RYR3: variants seen among roughly 807,000 people sequenced by gnomAD.
The protein encoded by RYR3 is ryanodine receptor 3, also known as brain ryanodine receptor-calcium release channel.
RYR3 carries 207 observed loss-of-function variants against 584.3 expected under a neutral mutation model. The observed-to-expected ratio is 0.35, with a 90% CI of 0.32 to 0.40. The LOEUF (loss-of-function observed/expected upper bound fraction) is 0.40. RYR3 is among the 10% of genes least tolerant of loss of function. RYR3 has a pLI of 1.00. For synonymous variants in RYR3, 2,416 were observed against 2,248.5 expected, an observed-to-expected ratio of 1.07 and a Z score of -2.11; for missense variants, 5,616 against 6,089.2, an observed-to-expected ratio of 0.92 and a Z score of 2.59.
At chr15:33,644,155 G>T (rs2061975571) in intron 27 of RYR3, among the ~76,000 whole-genome samples, 156 bp from the exon 28 acceptor site, 1 of 152,084 alleles carries the variant, frequency 6.6e-6, no homozygotes, top group Non-Finnish European at 1.5e-5. Flanking sequence ...TCCTGTTGTT[G>T]ATTTTATGTG....
At chr15:33,610,762 GACTCA>G (rs1399678854) in intron 18 of RYR3, among the ~76,000 whole-genome samples, 8 of 152,108 alleles carry the variant, frequency 5.3e-5, no homozygotes, top group South Asian at 2.1e-4. Flanking sequence ...TTGGAAATGG[GACTCA>G]ACTCTAAACA....
At chr15:33,797,426 G>A (rs1433021606) in intron 67 of RYR3, among the ~76,000 whole-genome samples, 1 of 152,098 alleles carries the variant, frequency 6.6e-6, no homozygotes, top group African/African-American at 2.4e-5. Context: ...GGGTATGAGC[G>A]AATGTGAAAA....
Position 33,812,866 on chromosome 15 carries a change from G to T in RYR3, c.10261G>T (p.Asp3421Tyr). ...ATGAGTATGCTTCAATTTTCAGTCT[G>T]ATGACCCAGCTGTAAAATGGCAACT... Reference protein sequence around the residue: ...RNNLHLQEKSDDPAVKWQLNL... With the variant: ...RNNLHLQEKSYDPAVKWQLNL... Residue 3421 changes from aspartate to tyrosine, a missense_variant, in exon 73 of 104, where the codon GAT becomes TAT. Around this residue, in one of 9 missense-constraint regions of RYR3, gnomAD observed 954 missense variants for 1,132.2 expected, o/e 0.84. Transcript: ENST00000634891. The T allele has an allele frequency of 6.2e-7, 1 of 1,613,754 alleles. No homozygotes were observed. Among genetic ancestry groups the T allele is most frequent in the African/African-American group, 1.3e-5 (1 of 75,064 alleles).
At chr15:33,616,604 C>T (rs1443999433) in intron 19 of RYR3, among the ~76,000 whole-genome samples, 2 of 152,122 alleles carry the variant, frequency 1.3e-5, no homozygotes, top group East Asian at 1.9e-4. Flanking sequence ...TTTAAGAAAC[C>T]GAAGGGTCCA....
At position 33,660,420 on chromosome 15, in the gene RYR3, A is replaced by G; in HGVS notation, c.4619A>G (p.Asn1540Ser). 1 of 1,557,552 alleles carries G rather than the reference A, an allele frequency of 6.4e-7. No homozygotes were observed. The highest frequency in any genetic ancestry group is 1.2e-5 in the South Asian group (1 of 84,080). The part of the protein sequence containing the change: ...QMMALHIPEE[N>S]RCVDILELCE... ...ATGGCGCTCCACATCCCCGAGGAGA[A>G]CAGGTACCAGAGGGGCCCGCGAAGG... The change falls in exon 34 of 104, where the codon AAC (asparagine) becomes AGC (serine). Residue 1540 changes from asparagine (N) to serine (S), a missense_variant. Asn to Ser is a conservative substitution (Grantham distance 46). Coordinates refer to ENST00000634891, the MANE Select transcript of RYR3 (RefSeq NM_001036.6).
chr15:33,387,681 G>T (rs532640300), intron 1 of RYR3, among the ~76,000 whole-genome samples: 1 of 150,220 alleles, frequency 6.7e-6, no homozygotes, highest in African/African-American at 2.4e-5. Flanking sequence ...AACAGAAATA[G>T]AGAAGAGATT....
chr15:33,620,049 G>A (rs1399445779), intron 19 of RYR3, among the ~76,000 whole-genome samples: 1 of 152,010 alleles, frequency 6.6e-6, no homozygotes, highest in Non-Finnish European at 1.5e-5. Context: ...ACATCCCCCA[G>A]CCCCTGGGTT....
chr15:33,750,594 T>C (rs1268291374), intron 57 of RYR3, among the ~76,000 whole-genome samples: 1 of 152,254 alleles, frequency 6.6e-6, no homozygotes, highest in African/African-American at 2.4e-5. Flanking sequence ...TAAGGCCCTT[T>C]CTTTGTATAT....
chr15:33,677,163 G>A (rs570370242), intron 38 of RYR3, among the ~76,000 whole-genome samples: 55 of 152,174 alleles, frequency 3.6e-4, no homozygotes, highest in African/African-American at 1.3e-3. Context: ...ATTGCATTCC[G>A]TATCCCGGAC....
chr15:33,374,243 G>T (rs758232937), intron 1 of RYR3, among the ~76,000 whole-genome samples: 1 of 152,160 alleles, frequency 6.6e-6, no homozygotes, highest in Non-Finnish European at 1.5e-5. Flanking sequence ...AACTGTGCCT[G>T]CCTCCTCAGG....
At chr15:33,682,601 T>C (rs1178343819) in intron 38 of RYR3, among the ~76,000 whole-genome samples, 1 of 152,224 alleles carries the variant, frequency 6.6e-6, no homozygotes, top group Non-Finnish European at 1.5e-5. Context: ...AAGGAAACCA[T>C]CTGTACATGA....
At chr15:33,536,812 C>T (rs373650320) in intron 5 of RYR3, among the ~76,000 whole-genome samples, 1 of 152,338 alleles carries the variant, frequency 6.6e-6, no homozygotes, top group East Asian at 1.9e-4. Flanking sequence ...CCTTTGGATG[C>T]TTGCCTCTCT....
At position 33,699,838 on chromosome 15, in the gene RYR3, G is replaced by GT; in HGVS notation, c.6379+6dup. 2.5e-6 allele frequency: 4 copies of GT among 1,608,520 alleles called. No individual in the cohort carries two copies. Among genetic ancestry groups the GT allele is most frequent in the Non-Finnish European group, 3.4e-6 (4 of 1,175,794 alleles). On this transcript the variant is annotated splice_donor_region_variant and intron_variant, in intron 41 of 103. Transcript: ENST00000634891. ...AGAATAGCAGTGTTGGCCTAGGTGC[G>GT]TAAGTCTTCTTGTAACTTCCACATC...
chr15:33,736,422 C>A, intron 49 of RYR3, 97 bp downstream of exon 49: 2 of 818,426 alleles, frequency 2.4e-6, no homozygotes, highest in Admixed American at 2.2e-5. Flanking sequence ...AAAATACATG[C>A]TAAATGGGTT....
At position 33,467,435 on chromosome 15, in the gene RYR3, C is replaced by T; in HGVS notation, c.52-5984C>T. The T allele has an allele frequency of 3.1e-6, 3 of 978,568 alleles. No homozygotes were observed. The South Asian group carries it at 1.4e-4, about 46-fold the overall frequency. 60.6% of individuals were successfully genotyped at this position (978,568 alleles called of 1,614,324 possible). ...AGCCAAGGTTCCCCAGCCATCAGCT[C>T]AGAGCCAGCAGAGATGGCTCTCTAT... On this transcript the variant is annotated intron_variant, in intron 1 of 103. Transcript: ENST00000634891.
chr15:33,599,370 C>T (rs372189186), intron 16 of RYR3, among the ~76,000 whole-genome samples: 64 of 152,258 alleles, frequency 4.2e-4, no homozygotes, highest in Non-Finnish European at 6.6e-4. Context: ...TAAATCCTGA[C>T]GACACGTGCC....
chr15:33,378,661 C>T (rs2040932610), intron 1 of RYR3, among the ~76,000 whole-genome samples: 3 of 152,136 alleles, frequency 2.0e-5, no homozygotes, highest in African/African-American at 7.2e-5. Flanking sequence ...GGACAGAAAG[C>T]AGATTGAAAA....
intron 42 of RYR3, among the ~76,000 whole-genome samples, chr15:33,702,368 G>A (rs2066368440): frequency 1.3e-5 from 2 of 152,204 alleles, no homozygotes; most frequent in Non-Finnish European, 2.9e-5. Flanking sequence ...GAGAGTTTTG[G>A]TAGTAATCAA....
chr15:33,663,435 A>G, intron 35 of RYR3, 102 bp from the exon 36 acceptor site: 1 of 992,676 alleles, frequency 1.0e-6, no homozygotes, highest in Non-Finnish European at 1.5e-6. Flanking sequence ...CTGTGTGGCA[A>G]TTTACTTTGT....
Sources: allele counts gnomAD v4.1 joint callset (sites outside exome capture counted in the v4.1 genomes callset), GRCh38; gene constraint gnomAD v4.1.1; regional missense constraint gnomAD v4.1.1; transcripts MANE v1.5; gene names NCBI Gene and HGNC (gene_info 2026-07-23, HGNC 2026-07-21).